Variants in NKAIN2 observed in about 807,000 individuals in gnomAD.
NKAIN2 encodes sodium/potassium transporting ATPase interacting 2.
Under a neutral mutation model 32.6 loss-of-function variants are expected in NKAIN2, and 14 were observed. That is an observed-to-expected ratio of 0.43 (90% CI 0.28 to 0.67). The LOEUF (loss-of-function observed/expected upper bound fraction) is 0.67, where lower values mean the gene tolerates loss of function less well. Ranked by LOEUF, NKAIN2 falls within the 30% of genes least tolerant of loss-of-function variation. NKAIN2 has a pLI of 0.17. For missense variants in NKAIN2, 198 were observed against 258.3 expected (o/e 0.77, Z 1.60); for synonymous variants, 80 against 87.2 (o/e 0.92, Z 0.46).
chr6:124,560,552 T>C (rs113656420), intron 3 of NKAIN2, among the ~76,000 whole-genome samples: 10 of 152,358 alleles, frequency 6.6e-5, no homozygotes, highest in African/African-American at 2.4e-4. Context: ...TATGTAGCCC[T>C]AGTAAAGTTA....
chr6:123,975,594 T>C (rs1425783997), intron 1 of NKAIN2, among the ~76,000 whole-genome samples: 5 of 152,232 alleles, frequency 3.3e-5, no homozygotes, highest in Non-Finnish European at 5.9e-5. Flanking sequence ...ATGTATTCCT[T>C]ACATTTCTGG....
chr6:123,985,011 G>T (rs2114674059), intron 1 of NKAIN2, among the ~76,000 whole-genome samples: 1 of 152,242 alleles, frequency 6.6e-6, no homozygotes, highest in East Asian at 1.9e-4. Flanking sequence ...CTCTGATTTA[G>T]TGACCCCATC....
chr6:123,830,066 G>A (rs1774313500), intron 1 of NKAIN2, among the ~76,000 whole-genome samples: 1 of 152,142 alleles, frequency 6.6e-6, no homozygotes, highest in Non-Finnish European at 1.5e-5. Flanking sequence ...CAAAAGCCAA[G>A]GAATCATTCC....
intron 1 of NKAIN2, among the ~76,000 whole-genome samples, chr6:123,904,522 C>A (rs575359275): frequency 2.6e-5 from 4 of 152,176 alleles, no homozygotes; most frequent in African/African-American, 9.7e-5. Flanking sequence ...CAGACTTTTG[C>A]AATGTTCAGC....
intron 1 of NKAIN2, among the ~76,000 whole-genome samples, chr6:123,955,428 T>A (rs1777527688): frequency 6.6e-6 from 1 of 151,850 alleles, no homozygotes; most frequent in African/African-American, 2.4e-5. Flanking sequence ...GTTCAATTGC[T>A]TAGAATTTAA....
At chr6:124,348,921 A>G (rs1038243952) in intron 2 of NKAIN2, among the ~76,000 whole-genome samples, 1 of 152,166 alleles carries the variant, frequency 6.6e-6, no homozygotes, top group African/African-American at 2.4e-5. Flanking sequence ...GACGGGCTTA[A>G]AAAACGGTGC....
intron 1 of NKAIN2, among the ~76,000 whole-genome samples, chr6:124,197,956 T>C (rs549574060): frequency 8.3e-4 from 126 of 151,870 alleles, no homozygotes; most frequent in African/African-American, 3.0e-3. Context: ...CTGAGATATT[T>C]ACATCTGAGA....
At chr6:123,836,342 T>G (rs1359832962) in intron 1 of NKAIN2, among the ~76,000 whole-genome samples, 3 of 152,084 alleles carry the variant, frequency 2.0e-5, no homozygotes, top group Admixed American at 2.0e-4. Context: ...CTTAACCAAA[T>G]GACAAAGATT....
At chr6:123,950,382 CTT>C (rs1197883089) in intron 1 of NKAIN2, among the ~76,000 whole-genome samples, 4 of 151,788 alleles carry the variant, frequency 2.6e-5, no homozygotes, top group African/African-American at 9.7e-5. Flanking sequence ...GGTGCTAGTT[CTT>C]CTTTGAAAGT....
At chr6:123,866,591 C>T (rs1456560546) in intron 1 of NKAIN2, among the ~76,000 whole-genome samples, 2 of 152,062 alleles carry the variant, frequency 1.3e-5, no homozygotes, top group East Asian at 1.9e-4. Flanking sequence ...CCACCAAGCC[C>T]GGCCAATTTT....
At position 124,649,697 on chromosome 6, in the gene NKAIN2, C is replaced by T. The variant is rs559110992; in HGVS notation, c.274-8489C>T. ...TGTAGTCCAATATCCCTCATGAACA[C>T]AGATGCAAAGACTTTCAACATATAA... On this transcript the variant is annotated intron_variant, in intron 3 of 6. Transcript: ENST00000368417. 1.4e-4 allele frequency among the ~76,000 whole-genome samples: 21 copies of T among 152,214 alleles called. 1 individual carries two copies. In the South Asian group the frequency reaches 4.4e-3, roughly 32 times the overall value.
chr6:123,940,740 T>C (rs1776776744), intron 1 of NKAIN2, among the ~76,000 whole-genome samples: 1 of 151,986 alleles, frequency 6.6e-6, no homozygotes, highest in Non-Finnish European at 1.5e-5. Context: ...GACGTTGCTT[T>C]GAGTGAGTGA....
chr6:124,418,212 A>G (rs1254790039), intron 3 of NKAIN2, among the ~76,000 whole-genome samples: 1 of 151,882 alleles, frequency 6.6e-6, no homozygotes, highest in Non-Finnish European at 1.5e-5. Flanking sequence ...TGTGTGTTCC[A>G]TGTAACTCAG....
intron 2 of NKAIN2, among the ~76,000 whole-genome samples, chr6:124,347,972 A>C (rs1798517627): frequency 6.6e-6 from 1 of 151,750 alleles, no homozygotes; most frequent in African/African-American, 2.4e-5. Context: ...GGTTTTATCT[A>C]CTTTTGGTCT....
intron 1 of NKAIN2, among the ~76,000 whole-genome samples, chr6:124,006,058 G>A (rs770907400): frequency 1.7e-4 from 26 of 152,210 alleles, no homozygotes; most frequent in East Asian, 7.7e-4. Flanking sequence ...TGCTATTTGC[G>A]TAGGGTTTGC....
intron 1 of NKAIN2, among the ~76,000 whole-genome samples, chr6:124,230,922 G>C (rs754593738): frequency 6.6e-6 from 1 of 152,210 alleles, no homozygotes; most frequent in African/African-American, 2.4e-5. Flanking sequence ...GCTGTGAGAA[G>C]GGGGCCACTG....
At chr6:123,866,159 C>T (rs999051247) in intron 1 of NKAIN2, among the ~76,000 whole-genome samples, 2 of 152,098 alleles carry the variant, frequency 1.3e-5, no homozygotes, top group African/African-American at 2.4e-5. Flanking sequence ...CACTCAGTGC[C>T]GTTGGTTATT....
chr6:124,128,562 A>T (rs1786300253), intron 1 of NKAIN2, among the ~76,000 whole-genome samples: 1 of 152,090 alleles, frequency 6.6e-6, no homozygotes, highest in African/African-American at 2.4e-5. Context: ...AAGCATTCAA[A>T]TTTTCCCCAT....
chr6:124,325,011 T>C (rs1171223580), intron 2 of NKAIN2, among the ~76,000 whole-genome samples: 1 of 152,106 alleles, frequency 6.6e-6, no homozygotes, highest in Non-Finnish European at 1.5e-5. Flanking sequence ...TCTTCTTGTC[T>C]TGTACAACTT....
Sources: allele counts gnomAD v4.1 joint callset (sites outside exome capture counted in the v4.1 genomes callset), GRCh38; gene constraint gnomAD v4.1.1; transcripts MANE v1.5; gene names NCBI Gene and HGNC (gene_info 2026-07-23, HGNC 2026-07-21).